The following IFNB1 variants were observed in gnomAD, a reference collection of about 807,000 sequenced individuals.
IFNB1 encodes the protein interferon beta 1, also known as interferon beta.
For synonymous variants in IFNB1, 99 were observed against 80.4 expected, an observed-to-expected ratio of 1.23 and a Z score of -1.24; for missense variants, 267 against 210.5, an observed-to-expected ratio of 1.27 and a Z score of -1.66.
Position 21,077,536 on chromosome 9 carries a change from C to T in IFNB1, c.334G>A (p.Val112Ile). The T allele has an allele frequency of 6.2e-7, 1 of 1,613,926 alleles. No homozygotes were observed. The stretch of plus-strand genomic sequence containing the variant: ...TTCAGATGGTTTATCTGATGATAGA[C>T]ATTAGCCAGGAGGTTCTCAACAATA... ...ETIVENLLAN[V>I]YHQINHLKTV... Residue 112 changes from valine (V) to isoleucine (I), a missense_variant, in exon 1 of 1, where the codon GTC becomes ATC. By Grantham distance (29) the Val-to-Ile change is conservative (BLOSUM62 3). Transcript: ENST00000380232.
chr9:21,077,423 C>T lies in IFNB1; in HGVS notation c.447G>A (p.Arg149=), dbSNP rs2132838562. 6.2e-7 allele frequency: 1 copy of T among 1,613,656 alleles called. No individual in the cohort carries two copies. Among genetic ancestry groups the T allele is most frequent in the South Asian group, 1.1e-5 (1 of 91,072 alleles). Residue 149 remains arginine (R), a synonymous_variant, in exon 1 of 1, where the codon AGG becomes AGA. Coordinates refer to ENST00000380232, the MANE Select transcript of IFNB1 (RefSeq NM_002176.4). ...SSLHLKRYYG[R]ILHYLKAKEY... is the part of the protein sequence containing the mutation. ...CCTTGGCCTTCAGGTAATGCAGAAT[C>T]CTCCCATAATATCTTTTCAGGTGCA...
Position 21,077,726 on chromosome 9 carries a change from C to G in IFNB1, c.144G>C (p.Arg48Ser). ...CQKLLWQLNG[R>S]LEYCLKDRMN... is the part of the protein sequence containing the mutation. ...TCCTGTCCTTGAGGCAGTATTCAAG[C>G]CTCCCATTCAATTGCCACAGGAGCT... The change falls in exon 1 of 1, where the codon AGG becomes AGC. Residue 48 changes from arginine (R) to serine (S), a missense_variant. By Grantham distance (110) the Arg-to-Ser change is moderately radical. Coordinates refer to ENST00000380232, the MANE Select transcript of IFNB1 (RefSeq NM_002176.4). The G allele has an allele frequency of 1.2e-6, 2 of 1,613,898 alleles. No homozygotes were observed. The highest frequency in any genetic ancestry group is 1.7e-6 in the Non-Finnish European group (2 of 1,179,908).
Position 21,077,453 on chromosome 9 carries a change from G to T in IFNB1, c.417C>A (p.Ser139Arg). 2 of 1,613,896 alleles carry T rather than the reference G, an allele frequency of 1.2e-6. No individual in the cohort carries two copies. Among genetic ancestry groups the T allele is most frequent in the Non-Finnish European group, 1.7e-6 (2 of 1,179,830 alleles). Residue 139 changes from serine to arginine, a missense_variant, in exon 1 of 1, where the codon AGC becomes AGA. Physicochemically the swap from Ser to Arg is moderately radical, Grantham distance 110 (BLOSUM62 -1). Coordinates refer to ENST00000380232, the MANE Select transcript of IFNB1 (RefSeq NM_002176.4). ...CATAATATCTTTTCAGGTGCAGACT[G>T]CTCATGAGTTTTCCCCTGGTGAAAT... is the stretch of plus-strand genomic sequence containing the variant. The part of the protein sequence containing the change: ...KEDFTRGKLM[S>R]SLHLKRYYGR...
At position 21,077,871 on chromosome 9, in the gene IFNB1, T is replaced by G; in HGVS notation, c.-2A>C. ...TTGGAGGAGACACTTGTTGGTCATG[T>G]TGACAACACGAACAGTGTCGCCTAC... is the stretch of plus-strand genomic sequence containing the variant. On this transcript the variant is annotated 5_prime_UTR_variant, in exon 1 of 1. Coordinates refer to ENST00000380232, the MANE Select transcript of IFNB1 (RefSeq NM_002176.4). The G allele has an allele frequency of 6.2e-7, 1 of 1,609,292 alleles. No individual in the cohort carries two copies.
In IFNB1 at chr9:21,077,626, C is replaced by T. The variant is rs764319086; in HGVS notation, c.244G>A (p.Glu82Lys). ...QKEDAALTIY[E>K]MLQNIFAIFR... ...ATAGCAAAGATGTTCTGGAGCATCT[C>T]ATAGATGGTCAATGCGGCGTCCTCC... The change falls in exon 1 of 1, where the codon GAG becomes AAG. Residue 82 changes from glutamate (E) to lysine (K), a missense_variant. By Grantham distance (56) the Glu-to-Lys change is moderately conservative. Coordinates refer to ENST00000380232, the MANE Select transcript of IFNB1 (RefSeq NM_002176.4). 1 of 1,613,930 alleles carries T rather than the reference C, an allele frequency of 6.2e-7. No individual in the cohort carries two copies. Among genetic ancestry groups the T allele is most frequent in the Non-Finnish European group, 8.5e-7 (1 of 1,179,884 alleles).
chr9:21,077,754 T>C lies in IFNB1; in HGVS notation c.116A>G (p.Gln39Arg). Reference sequence around the variant, plus strand: ...CCCATTCAATTGCCACAGGAGCTTCTGACACTGAAAATTGCTGCTTCTTTG... The same window carrying C: ...CCCATTCAATTGCCACAGGAGCTTCCGACACTGAAAATTGCTGCTTCTTTG... ...FLQRSSNFQC[Q>R]KLLWQLNGRL... Residue 39 changes from glutamine to arginine, a missense_variant, in exon 1 of 1, where the codon CAG (glutamine) becomes CGG (arginine). Transcript: ENST00000380232. 6.2e-7 allele frequency: 1 copy of C among 1,613,906 alleles called. No homozygotes were observed. The highest frequency in any genetic ancestry group is 1.1e-5 in the South Asian group (1 of 91,078).
chr9:21,077,570 C>A lies in IFNB1; in HGVS notation c.300G>T (p.Trp100Cys), dbSNP rs748992951. The A allele has an allele frequency of 6.2e-7, 1 of 1,613,844 alleles. No homozygotes were observed. The highest frequency in any genetic ancestry group is 8.5e-7 in the Non-Finnish European group (1 of 1,179,914). ...GGAGGTTCTCAACAATAGTCTCATT[C>A]CAGCCAGTGCTAGATGAATCTTGTC... Reference protein sequence around the residue: ...IFRQDSSSTGWNETIVENLLA... With the variant: ...IFRQDSSSTGCNETIVENLLA... Residue 100 changes from tryptophan to cysteine, a missense_variant, in exon 1 of 1, where the codon TGG (tryptophan) becomes TGT (cysteine). Trp to Cys is a radical substitution (Grantham distance 215). Coordinates refer to ENST00000380232, the MANE Select transcript of IFNB1 (RefSeq NM_002176.4).
rs896628278 is a variant in IFNB1 at position 21,077,631 on chromosome 9, A to T, written c.239T>A (p.Ile80Asn). 9 of 1,613,868 alleles carry T rather than the reference A, an allele frequency of 5.6e-6. No homozygotes were observed. Among genetic ancestry groups the T allele is most frequent in the Non-Finnish European group, 7.6e-6 (9 of 1,179,916 alleles). ...QFQKEDAALT[I>N]YEMLQNIFAI... is the part of the protein sequence containing the mutation. ...AAAGATGTTCTGGAGCATCTCATAGATGGTCAATGCGGCGTCCTCCTTCTG... is the reference window on the plus strand; with the variant it reads ...AAAGATGTTCTGGAGCATCTCATAGTTGGTCAATGCGGCGTCCTCCTTCTG... Residue 80 changes from isoleucine (I) to asparagine (N), a missense_variant, in exon 1 of 1, where the codon ATC becomes AAC. By Grantham distance (149) the Ile-to-Asn change is moderately radical. Coordinates refer to ENST00000380232, the MANE Select transcript of IFNB1 (RefSeq NM_002176.4).
Position 21,077,854 on chromosome 9 carries a change from G to C in IFNB1, c.16C>G (p.Leu6Val). 1 of 1,612,270 alleles carries C rather than the reference G, an allele frequency of 6.2e-7. No homozygotes were observed. The highest frequency in any genetic ancestry group is 8.5e-7 in the Non-Finnish European group (1 of 1,179,144). The change falls in exon 1 of 1, where the codon CTC becomes GTC. Residue 6 changes from leucine to valine, a missense_variant. Coordinates refer to ENST00000380232, the MANE Select transcript of IFNB1 (RefSeq NM_002176.4). MTNKCLLQIALLLCFS... is the reference protein window; with the variant it reads MTNKCVLQIALLLCFS... Reference sequence around the variant, plus strand: ...CACAACAGGAGAGCAATTTGGAGGAGACACTTGTTGGTCATGTTGACAACA... The same window carrying C: ...CACAACAGGAGAGCAATTTGGAGGACACACTTGTTGGTCATGTTGACAACA...
chr9:21,077,207 A>G lies in IFNB1; in HGVS notation c.*99T>C, dbSNP rs148928350. On this transcript the variant is annotated 3_prime_UTR_variant, in exon 1 of 1. Coordinates refer to ENST00000380232, the MANE Select transcript of IFNB1 (RefSeq NM_002176.4). Reference sequence around the variant, plus strand: ...TTTCAAAATCTTCTAGTGTCCTTTCATATGCAGTACATTAGCCATCAGTCA... The same window carrying G: ...TTTCAAAATCTTCTAGTGTCCTTTCGTATGCAGTACATTAGCCATCAGTCA... 5 of 685,796 alleles carry G rather than the reference A, an allele frequency of 7.3e-6. No individual in the cohort carries two copies. Among genetic ancestry groups the G allele is most frequent in the African/African-American group, 1.8e-5 (1 of 55,956 alleles). 42.5% of individuals were successfully genotyped at this position (685,796 alleles called of 1,614,324 possible). A position where few individuals can be genotyped will look rare whatever the true frequency, so the allele number is the denominator to read the frequency against.
Position 21,077,511 on chromosome 9 carries a change from T to G in IFNB1, c.359A>C (p.Lys120Thr). 6.2e-7 allele frequency: 1 copy of G among 1,613,326 alleles called. No individual in the cohort carries two copies. The highest frequency in any genetic ancestry group is 8.5e-7 in the Non-Finnish European group (1 of 1,179,278). ...CTCCAGTTTTTCTTCCAGGACTGTCTTCAGATGGTTTATCTGATGATAGAC... is the reference window on the plus strand; with the variant it reads ...CTCCAGTTTTTCTTCCAGGACTGTCGTCAGATGGTTTATCTGATGATAGAC... ...ANVYHQINHL[K>T]TVLEEKLEKE... The change falls in exon 1 of 1, where the codon AAG becomes ACG. Residue 120 changes from lysine to threonine, a missense_variant. Physicochemically the swap from Lys to Thr is moderately conservative, Grantham distance 78 (BLOSUM62 -1). Coordinates refer to ENST00000380232, the MANE Select transcript of IFNB1 (RefSeq NM_002176.4).
chr9:21,077,555 A>C lies in IFNB1; in HGVS notation c.315T>G (p.Val105=), dbSNP rs781217043. 3.1e-6 allele frequency: 5 copies of C among 1,614,006 alleles called. No individual in the cohort carries two copies. The Middle Eastern group carries it at 5.0e-4, about 160-fold the overall frequency. The change falls in exon 1 of 1, where the codon GTT becomes GTG. Residue 105 remains valine, a synonymous_variant. Coordinates refer to ENST00000380232, the MANE Select transcript of IFNB1 (RefSeq NM_002176.4). Reference sequence around the variant, plus strand: ...GATAGACATTAGCCAGGAGGTTCTCAACAATAGTCTCATTCCAGCCAGTGC... The same window carrying C: ...GATAGACATTAGCCAGGAGGTTCTCCACAATAGTCTCATTCCAGCCAGTGC... ...SSSTGWNETI[V]ENLLANVYHQ... is the part of the protein sequence containing the mutation.
rs2132839347 is a variant in IFNB1 at position 21,077,941 on chromosome 9, A to G, written c.-72T>C. On this transcript the variant is annotated 5_prime_UTR_variant, in exon 1 of 1. Coordinates refer to ENST00000380232, the MANE Select transcript of IFNB1 (RefSeq NM_002176.4). The stretch of plus-strand genomic sequence containing the variant: ...AAGGCTTCGAAAGGTTGCAGTTAGA[A>G]TGTCCTTTCTCCATGGGTATGGCCT... 1.8e-6 allele frequency: 2 copies of G among 1,081,970 alleles called. No individual in the cohort carries two copies. Among genetic ancestry groups the G allele is most frequent in the East Asian group, 2.5e-5 (1 of 39,590 alleles). 67.0% of individuals were successfully genotyped at this position (1,081,970 alleles called of 1,614,324 possible).
chr9:21,077,471 G>A lies in IFNB1; in HGVS notation c.399C>T (p.Thr133=). Residue 133 remains threonine (T), a synonymous_variant, in exon 1 of 1, where the codon ACC becomes ACT. Transcript: ENST00000380232. ...LEEKLEKEDF[T]RGKLMSSLHL... Reference sequence around the variant, plus strand: ...GCAGACTGCTCATGAGTTTTCCCCTGGTGAAATCTTCTTTCTCCAGTTTTT... The same window carrying A: ...GCAGACTGCTCATGAGTTTTCCCCTAGTGAAATCTTCTTTCTCCAGTTTTT... 6.2e-7 allele frequency: 1 copy of A among 1,613,898 alleles called. No individual in the cohort carries two copies. The highest frequency in any genetic ancestry group is 1.1e-5 in the South Asian group (1 of 91,074).
At position 21,077,737 on chromosome 9, in the gene IFNB1, A is replaced by G. The variant is rs754551168; in HGVS notation, c.133T>C (p.Leu45=). The G allele has an allele frequency of 5.6e-6, 9 of 1,613,916 alleles. No homozygotes were observed. The highest frequency in any genetic ancestry group is 4.5e-5 in the East Asian group (2 of 44,872). ...AGGCAGTATTCAAGCCTCCCATTCA[A>G]TTGCCACAGGAGCTTCTGACACTGA... is the stretch of plus-strand genomic sequence containing the variant. ...NFQCQKLLWQ[L]NGRLEYCLKD... The change falls in exon 1 of 1, where the codon TTG becomes CTG. Residue 45 remains leucine (L), a synonymous_variant. Coordinates refer to ENST00000380232, the MANE Select transcript of IFNB1 (RefSeq NM_002176.4).
Position 21,077,803 on chromosome 9 carries a change from T to A in IFNB1, c.67A>T (p.Ser23Cys). ...LCFSTTALSM[S>C]YNLLGFLQRS... is the part of the protein sequence containing the mutation. ...TGTAGGAATCCAAGCAAGTTGTAGCTCATGGAAAGAGCTGTAGTGGAGAAG... is the reference window on the plus strand; with the variant it reads ...TGTAGGAATCCAAGCAAGTTGTAGCACATGGAAAGAGCTGTAGTGGAGAAG... The change falls in exon 1 of 1, where the codon AGC (serine) becomes TGC (cysteine). Residue 23 changes from serine (S) to cysteine (C), a missense_variant. By Grantham distance (112) the Ser-to-Cys change is moderately radical. Coordinates refer to ENST00000380232, the MANE Select transcript of IFNB1 (RefSeq NM_002176.4). 6.2e-7 allele frequency: 1 copy of A among 1,613,810 alleles called. No homozygotes were observed. Among genetic ancestry groups the A allele is most frequent in the African/African-American group, 1.3e-5 (1 of 75,026 alleles).
rs1292412300 is a variant in IFNB1 at position 21,077,403 on chromosome 9, G to A, written c.467C>T (p.Ala156Val). 5 of 1,613,350 alleles carry A rather than the reference G, an allele frequency of 3.1e-6. No individual in the cohort carries two copies. The African/African-American group carries it at 4.0e-5, about 13-fold the overall frequency. The change falls in exon 1 of 1, where the codon GCC becomes GTC. Residue 156 changes from alanine to valine, a missense_variant. Transcript: ENST00000380232. The stretch of plus-strand genomic sequence containing the variant: ...CCAGGCACAGTGACTGTACTCCTTG[G>A]CCTTCAGGTAATGCAGAATCCTCCC... The part of the protein sequence containing the change: ...YYGRILHYLK[A>V]KEYSHCAWTI...
chr9:21,077,257 GA>G lies in IFNB1; in HGVS notation c.*48del. 1.6e-6 allele frequency: 2 copies of G among 1,268,404 alleles called. No individual in the cohort carries two copies. The highest frequency in any genetic ancestry group is 2.2e-6 in the Non-Finnish European group (2 of 893,502). 78.6% of individuals were successfully genotyped at this position (1,268,404 alleles called of 1,614,324 possible). On this transcript the variant is annotated 3_prime_UTR_variant, in exon 1 of 1. Coordinates refer to ENST00000380232, the MANE Select transcript of IFNB1 (RefSeq NM_002176.4). ...ACTTAAACAGCATCTGCTGGTTGAA[GA>G]ATGCTTGAAGCAATTGTCCAGTCCC...
rs1449341406 is a variant in IFNB1 at position 21,077,560 on chromosome 9, T to C, written c.310A>G (p.Ile104Val). 2.5e-6 allele frequency: 4 copies of C among 1,613,874 alleles called. No homozygotes were observed. Among genetic ancestry groups the C allele is most frequent in the African/African-American group, 1.3e-5 (1 of 74,916 alleles). ...ACATTAGCCAGGAGGTTCTCAACAA[T>C]AGTCTCATTCCAGCCAGTGCTAGAT... The part of the protein sequence containing the change: ...DSSSTGWNET[I>V]VENLLANVYH... Residue 104 changes from isoleucine (I) to valine (V), a missense_variant, in exon 1 of 1, where the codon ATT becomes GTT. Physicochemically the swap from Ile to Val is conservative, Grantham distance 29. Coordinates refer to ENST00000380232, the MANE Select transcript of IFNB1 (RefSeq NM_002176.4).
Sources: allele counts gnomAD v4.1 joint callset, GRCh38; gene constraint gnomAD v4.1.1; transcripts MANE v1.5; gene names NCBI Gene and HGNC (gene_info 2026-07-23, HGNC 2026-07-21).